SPTB: variants seen among roughly 807,000 people sequenced by gnomAD.
SPTB encodes the protein spectrin beta chain, erythrocytic.
Under a neutral mutation model 256.2 loss-of-function variants are expected in SPTB, and 45 were observed. The observed-to-expected ratio is 0.18, with a 90% CI of 0.14 to 0.23. The LOEUF (loss-of-function observed/expected upper bound fraction) is 0.23. Among genes scored for constraint, SPTB ranks in the 10% least tolerant of loss-of-function variants. The pLI, the probability that SPTB is intolerant of heterozygous loss-of-function variation, is 1.00. For synonymous variants in SPTB, 1,231 were observed against 1,243.1 expected, an observed-to-expected ratio of 0.99 and a Z score of 0.21; for missense variants, 2,715 against 3,040.4, an observed-to-expected ratio of 0.89 and a Z score of 2.52.
intron 29 of SPTB, 27 bp downstream of exon 29, chr14:64,769,007 G>A (rs1305807256): frequency 3.8e-6 from 6 of 1,592,884 alleles, no homozygotes; most frequent in Non-Finnish European, 5.2e-6. Context: ...TCCTGCCCCT[G>A]GGCCCTGGCT....
chr14:64,795,664 C>T lies in SPTB; in HGVS notation c.1342-25G>A, dbSNP rs2082755126. 4 of 1,613,046 alleles carry T rather than the reference C, an allele frequency of 2.5e-6. No individual in the cohort carries two copies. The highest frequency in any genetic ancestry group is 1.7e-5 in the Admixed American group (1 of 59,988). ...CCTGCCCCACCGGGAGAAAAACAGG[C>T]AGCTCAGTCAGACACCCAGGGGCTC... On this transcript the variant is annotated intron_variant, in intron 11 of 35. Coordinates refer to ENST00000644917, the MANE Select transcript of SPTB (RefSeq NM_001355436.2). This position sits in a 1 kb window ranked among gnomAD's most constrained non-coding sequence, Gnocchi z 6.5.
rs1418898771 is a variant in SPTB at position 64,778,689 on chromosome 14, C to A, written c.4563+468G>T. On this transcript the variant is annotated intron_variant, in intron 22 of 35. Transcript: ENST00000644917. This position sits in a 1 kb window ranked among gnomAD's most constrained non-coding sequence, Gnocchi z 5.2. ...AATGGAATTTGAGCCCCACAAGTAT[C>A]CTCATATGTCGAGAGAAATGGGGCC... Among the ~76,000 whole-genome samples the A allele has an allele frequency of 1.3e-5, 2 of 152,166 alleles. No individual in the cohort carries two copies. Among genetic ancestry groups the A allele is most frequent in the African/African-American group, 2.4e-5 (1 of 41,446 alleles).
At chr14:64,752,212 C>G in intron 33 of SPTB, 1 of 1,348,448 alleles carries the variant, frequency 7.4e-7, no homozygotes, top group Non-Finnish European at 9.8e-7. Flanking sequence ...TTCACTCACA[C>G]GTGGGAAGCA....
At position 64,758,887 on chromosome 14, in the gene SPTB, G is replaced by A. The variant is rs1392386573; in HGVS notation, c.6346-5094C>T. On this transcript the variant is annotated intron_variant, in intron 32 of 35. Transcript: ENST00000644917. This position sits in a 1 kb window ranked among gnomAD's most constrained non-coding sequence, Gnocchi z 4.6. ...TCATAAGAGATAAGGAATTTCTCTG[G>A]GGCCTTTTATTTCTAGCCATGCCTC... is the stretch of plus-strand genomic sequence containing the variant. Among the ~76,000 whole-genome samples, 1 of 151,996 alleles carries A rather than the reference G, an allele frequency of 6.6e-6. No individual in the cohort carries two copies. Among genetic ancestry groups the A allele is most frequent in the South Asian group, 2.1e-4 (1 of 4,822 alleles).
At chr14:64,801,692 T>C in intron 6 of SPTB, 62 bp downstream of exon 6, 3 of 1,500,584 alleles carry the variant, frequency 2.0e-6, no homozygotes, top group African/African-American at 1.4e-5. Context: ...AAGTGCAATG[T>C]GTCCAAATAT....
chr14:64,804,616 G>A (rs2082948144), intron 3 of SPTB, among the ~76,000 whole-genome samples: 1 of 152,112 alleles, frequency 6.6e-6, no homozygotes, highest in Admixed American at 6.5e-5. Flanking sequence ...TTCCAAGAGG[G>A]ATGCATCTTA....
Position 64,767,781 on chromosome 14 carries a change from C to T in SPTB, c.6101G>A (p.Ser2034Asn), listed in dbSNP as rs745476248. The change falls in exon 30 of 36, where the codon AGC (serine) becomes AAC (asparagine). Residue 2034 changes from serine to asparagine, a missense_variant. Physicochemically the swap from Ser to Asn is conservative, Grantham distance 46. Coordinates refer to ENST00000644917, the MANE Select transcript of SPTB (RefSeq NM_001355436.2). ...WLIAQEPYLASGDFGHTVDSV... is the reference protein window; with the variant it reads ...WLIAQEPYLANGDFGHTVDSV... ...GTCCACTGTGTGTCCAAAGTCCCCG[C>T]TGGCCAGGTAGGGCTCCTGGGCAAT... The T allele has an allele frequency of 8.1e-6, 13 of 1,614,056 alleles. No homozygotes were observed. The highest frequency in any genetic ancestry group is 1.1e-5 in the Non-Finnish European group (13 of 1,180,034).
Position 64,796,790 on chromosome 14 carries a change from C to A in SPTB, c.1183-75G>T. On this transcript the variant is annotated intron_variant, in intron 10 of 35. Coordinates refer to ENST00000644917, the MANE Select transcript of SPTB (RefSeq NM_001355436.2). The surrounding 1 kb of genome is among the most constrained non-coding windows in gnomAD (Gnocchi z 4.1). ...ACTTTGGGGGCTCCACCCCTTTCAC[C>A]CAACACTGAGTGATTTCTGGAATCA... 6.4e-7 allele frequency: 1 copy of A among 1,570,158 alleles called. No homozygotes were observed. The highest frequency in any genetic ancestry group is 8.7e-7 in the Non-Finnish European group (1 of 1,145,162).
rs1173497902 is a variant in SPTB, at chr14:64,823,527, C to T, written c.-51-382G>A. ...CAGGGCACAAGCTGGGGAAAGCAACCCTCACCCTGAGGACTAGGCCAGGAC... is the reference window on the plus strand; with the variant it reads ...CAGGGCACAAGCTGGGGAAAGCAACTCTCACCCTGAGGACTAGGCCAGGAC... On this transcript the variant is annotated intron_variant, in intron 1 of 35. Coordinates refer to ENST00000644917, the MANE Select transcript of SPTB (RefSeq NM_001355436.2). The surrounding 1 kb of genome is among the most constrained non-coding windows in gnomAD (Gnocchi z 6.5). 1.3e-5 allele frequency among the ~76,000 whole-genome samples: 2 copies of T among 152,156 alleles called. No individual in the cohort carries two copies. Among genetic ancestry groups the T allele is most frequent in the South Asian group, 2.1e-4 (1 of 4,826 alleles).
In SPTB at chr14:64,769,133, G is replaced by T; in HGVS notation, c.5938-15C>A. On this transcript the variant is annotated splice_polypyrimidine_tract_variant and intron_variant, in intron 28 of 35. Coordinates refer to ENST00000644917, the MANE Select transcript of SPTB (RefSeq NM_001355436.2). ...TTCTCGCGGATCTATGGGGAGGAAA[G>T]GGAGAAAAGCTCAGGCTTGGCTCAC... 1 of 1,612,528 alleles carries T rather than the reference G, an allele frequency of 6.2e-7. No homozygotes were observed. The highest frequency in any genetic ancestry group is 8.5e-7 in the Non-Finnish European group (1 of 1,179,316).
intron 32 of SPTB, among the ~76,000 whole-genome samples, chr14:64,763,437 AGT>A (rs1295932260): frequency 6.6e-6 from 1 of 152,248 alleles, no homozygotes; most frequent in Non-Finnish European, 1.5e-5. Context: ...GTCTCACACC[AGT>A]GGGTACCTGA....
At chr14:64,789,510 A>C (rs1426159411) in intron 15 of SPTB, among the ~76,000 whole-genome samples, 1 of 152,206 alleles carries the variant, frequency 6.6e-6, no homozygotes, top group African/African-American at 2.4e-5. Flanking sequence ...TGGGTCAGTG[A>C]GAGGAAGGAT....
intron 1 of SPTB, among the ~76,000 whole-genome samples, chr14:64,839,216 G>A (rs920800593): frequency 3.3e-5 from 5 of 152,152 alleles, no homozygotes; most frequent in African/African-American, 1.2e-4. Context: ...ACCGATTGTG[G>A]TACACTTACA....
At chr14:64,755,281 C>T (rs1401383293) in intron 32 of SPTB, 1 of 152,184 alleles carries the variant, frequency 6.6e-6, no homozygotes, top group Non-Finnish European at 1.5e-5. Context: ...CAGATCGAAG[C>T]TTTAAACTGA....
Position 64,758,282 on chromosome 14 carries a change from ATC to A in SPTB, c.6346-4491_6346-4490del, listed in dbSNP as rs1393892735. 6.6e-6 allele frequency among the ~76,000 whole-genome samples: 1 copy of A among 152,240 alleles called. No homozygotes were observed. The highest frequency in any genetic ancestry group is 1.5e-5 in the Non-Finnish European group (1 of 68,038). On this transcript the variant is annotated intron_variant, in intron 32 of 35. Transcript: ENST00000644917. This position sits in a 1 kb window ranked among gnomAD's most constrained non-coding sequence, Gnocchi z 4.6. ...CAGGACTGAGAAATGGGGAATGGGA[ATC>A]TCAGCCACTGGCAGGCAAGGCCTCA...
Position 64,826,534 on chromosome 14 carries a change from G to A in SPTB, c.-51-3389C>T, listed in dbSNP as rs560204872. On this transcript the variant is annotated intron_variant, in intron 1 of 35. Coordinates refer to ENST00000644917, the MANE Select transcript of SPTB (RefSeq NM_001355436.2). This position sits in a 1 kb window ranked among gnomAD's most constrained non-coding sequence, Gnocchi z 4.4. Reference sequence around the variant, plus strand: ...CTGCACATCTAGAGTGGCCTTCCATGAGTCACGGAGGACCGCAAATACATG... The same window carrying A: ...CTGCACATCTAGAGTGGCCTTCCATAAGTCACGGAGGACCGCAAATACATG... Among the ~76,000 whole-genome samples, 8 of 152,276 alleles carry A rather than the reference G, an allele frequency of 5.3e-5. No homozygotes were observed. The highest frequency in any genetic ancestry group is 1.2e-4 in the Non-Finnish European group (8 of 68,020).
At chr14:64,753,508 C>T (rs2081979864) in intron 33 of SPTB, 29 bp downstream of exon 33, 2 of 1,612,698 alleles carry the variant, frequency 1.2e-6, no homozygotes, top group South Asian at 1.1e-5. Context: ...CCCAACCTAC[C>T]CTCAGCCAGC....
At position 64,785,793 on chromosome 14, in the gene SPTB, T is replaced by C. The variant is rs1290370454; in HGVS notation, c.3720A>G (p.Leu1240=). The change falls in exon 17 of 36, where the codon CTA becomes CTG. Residue 1240 remains leucine, a synonymous_variant. Coordinates refer to ENST00000644917, the MANE Select transcript of SPTB (RefSeq NM_001355436.2). The surrounding 1 kb of genome is among the most constrained non-coding windows in gnomAD (Gnocchi z 4.4). ...SGNKLVAEGN[L]YSDKIKEKVQ... is the part of the protein sequence containing the mutation. ...CCTTCTCCTTGATCTTGTCTGAGTA[T>C]AGGTTTCCCTCAGCTACCAGCTTGT... 3 of 1,613,936 alleles carry C rather than the reference T, an allele frequency of 1.9e-6. No homozygotes were observed. Among genetic ancestry groups the C allele is most frequent in the African/African-American group, 2.7e-5 (2 of 74,862 alleles).
chr14:64,785,681 C>T lies in SPTB; in HGVS notation c.3765-54G>A, dbSNP rs757451936. ...AATAGTGCCGAGCTTGGGGTCCTCA[C>T]CAAGCTTGGGGTCCTCACTACCCCC... On this transcript the variant is annotated intron_variant, in intron 17 of 35. Coordinates refer to ENST00000644917, the MANE Select transcript of SPTB (RefSeq NM_001355436.2). This position sits in a 1 kb window ranked among gnomAD's most constrained non-coding sequence, Gnocchi z 4.4. 1.9e-6 allele frequency: 3 copies of T among 1,613,734 alleles called. No individual in the cohort carries two copies. Among genetic ancestry groups the T allele is most frequent in the Non-Finnish European group, 2.5e-6 (3 of 1,179,704 alleles).
Sources: gnomAD v4.1 joint callset for allele counts (sites outside exome capture counted in the v4.1 genomes callset) on GRCh38, gnomAD v4.1.1 for gene constraint, Gnocchi (gnomAD v3.1) non-coding constraint, MANE v1.5 for transcripts, NCBI Gene and HGNC (gene_info 2026-07-23, HGNC 2026-07-21) for gene names.